GALNT13: variants seen among roughly 807,000 people sequenced by gnomAD.
GALNT13 encodes UDP-GalNAc:polypeptide N-acetylgalactosaminyltransferase 13.
In GALNT13, 28 loss-of-function variants were observed where a neutral mutation model predicts 64.2. The observed-to-expected ratio is 0.44, with a 90% CI of 0.32 to 0.60. The LOEUF is 0.60. Ranked by LOEUF, GALNT13 falls within the 20% of genes least tolerant of loss-of-function variation. GALNT13 has a pLI of 0.05. For missense variants in GALNT13, 577 were observed against 669.8 expected (o/e 0.86, Z 1.53); for synonymous variants, 214 against 224.6 (o/e 0.95, Z 0.42).
the GALNT13 span, among the ~76,000 whole-genome samples, chr2:153,419,020 A>T: frequency 6.6e-6 from 1 of 152,146 alleles, no homozygotes; most frequent in Non-Finnish European, 1.5e-5. Context: ...ACAACTATTA[A>T]TTCATACAAT....
the GALNT13 span, among the ~76,000 whole-genome samples, chr2:153,702,022 C>A: frequency 6.6e-6 from 1 of 152,118 alleles, no homozygotes; most frequent in Non-Finnish European, 1.5e-5. Flanking sequence ...TCTAAAGACA[C>A]ATGTACATGT....
At chr2:154,260,077 G>T (rs1690610942) in intron 8 of GALNT13, among the ~76,000 whole-genome samples, 2 of 151,844 alleles carry the variant, frequency 1.3e-5, no homozygotes, top group East Asian at 3.9e-4. Flanking sequence ...GTAGAGACAG[G>T]GTTTTGCCAT....
intron 9 of GALNT13, among the ~76,000 whole-genome samples, chr2:154,379,822 G>A (rs1154759): frequency 0.58 from 87,394 of 151,722 alleles, 25,590 homozygotes; most frequent in Admixed American, 0.65. Flanking sequence ...CAATTGCAAA[G>A]TTAAGTATGC....
At chr2:153,601,426 A>C in the GALNT13 span, among the ~76,000 whole-genome samples, 73 of 151,948 alleles carry the variant, frequency 4.8e-4, no homozygotes, top group African/African-American at 1.3e-3. Context: ...AATACTTCTA[A>C]TTGGTAAGGA....
intron 4 of GALNT13, among the ~76,000 whole-genome samples, chr2:154,216,802 C>CTTTTTTTTTTTTTTTTTTTTTT (rs397872685): frequency 1.4e-5 from 1 of 71,296 alleles, no homozygotes; most frequent in Non-Finnish European, 2.6e-5. Flanking sequence ...TTCTCTCTCT[C>CTTTTTTTTTTTTTTTTTTTTTT]TTTTTTTTTT....
At chr2:153,341,149 A>T in the GALNT13 span, among the ~76,000 whole-genome samples, 2 of 152,224 alleles carry the variant, frequency 1.3e-5, no homozygotes, top group Non-Finnish European at 2.9e-5. Context: ...AATTTGTGCA[A>T]ATTATTTAAT....
At chr2:153,574,599 A>G in the GALNT13 span, among the ~76,000 whole-genome samples, 1 of 152,030 alleles carries the variant, frequency 6.6e-6, no homozygotes, top group Non-Finnish European at 1.5e-5. Context: ...CAAGCTCAGT[A>G]GTTCTTTCTT....
chr2:154,138,887 A>G (rs1336146011), intron 3 of GALNT13, among the ~76,000 whole-genome samples: 1 of 152,142 alleles, frequency 6.6e-6, no homozygotes, highest in Admixed American at 6.6e-5. Context: ...TTAGAAAAAT[A>G]CACCTTCTCA....
chr2:154,186,089 A>G (rs1338313075), intron 4 of GALNT13, among the ~76,000 whole-genome samples: 5 of 152,076 alleles, frequency 3.3e-5, no homozygotes, highest in Admixed American at 3.3e-4. Flanking sequence ...TAATGCTTTC[A>G]AGCTCAAGGT....
the GALNT13 span, among the ~76,000 whole-genome samples, chr2:153,574,588 T>C: frequency 6.6e-6 from 1 of 152,182 alleles, no homozygotes; most frequent in African/African-American, 2.4e-5. Context: ...TAGCCTGTCT[T>C]CAAGCTCAGT....
chr2:153,311,697 T>C, the GALNT13 span, among the ~76,000 whole-genome samples: 8 of 152,148 alleles, frequency 5.3e-5, no homozygotes, highest in Non-Finnish European at 1.2e-4. Context: ...TGCAGCTGGC[T>C]CCTCCCAAAG....
At position 154,245,796 on chromosome 2, in the gene GALNT13, T is replaced by C. The variant is rs766107982; in HGVS notation, c.687-16T>C. The C allele has an allele frequency of 1.9e-6, 3 of 1,565,552 alleles. No individual in the cohort carries two copies. The highest frequency in any genetic ancestry group is 3.4e-5 in the Admixed American group (2 of 58,102). On this transcript the variant is annotated splice_polypyrimidine_tract_variant and intron_variant, in intron 6 of 12. Transcript: ENST00000392825. Reference sequence around the variant, plus strand: ...AATTATCATGTGTCTATAAATTGGTTTTAATTTCTCTGCAGGAAAACGGTT... The same window carrying C: ...AATTATCATGTGTCTATAAATTGGTCTTAATTTCTCTGCAGGAAAACGGTT...
At chr2:154,354,175 A>G (rs570610284) in intron 9 of GALNT13, among the ~76,000 whole-genome samples, 6 of 152,240 alleles carry the variant, frequency 3.9e-5, no homozygotes, top group African/African-American at 1.4e-4. Context: ...ACATTTTCAT[A>G]TACCTGTTGG....
At chr2:153,710,783 T>A in the GALNT13 span, among the ~76,000 whole-genome samples, 1 of 152,224 alleles carries the variant, frequency 6.6e-6, no homozygotes, top group Admixed American at 6.5e-5. Flanking sequence ...ATTTAACTGA[T>A]CAATGAATAT....
the GALNT13 span, among the ~76,000 whole-genome samples, chr2:153,485,865 A>G: frequency 4.6e-5 from 7 of 152,190 alleles, no homozygotes; most frequent in Non-Finnish European, 1.0e-4. Flanking sequence ...GTGCCACTGC[A>G]CTCTAGCCTC....
the GALNT13 span, among the ~76,000 whole-genome samples, chr2:153,689,852 A>T: frequency 6.6e-6 from 1 of 151,920 alleles, no homozygotes; most frequent in Admixed American, 6.6e-5. Flanking sequence ...TTCATGGAGA[A>T]TCTTGAATCT....
intron 3 of GALNT13, among the ~76,000 whole-genome samples, chr2:154,074,211 AT>A (rs1442701363): frequency 6.6e-6 from 1 of 151,886 alleles, no homozygotes; most frequent in Non-Finnish European, 1.5e-5. Context: ...GCTATACCAC[AT>A]TTTGAAAATC....
the GALNT13 span, among the ~76,000 whole-genome samples, chr2:153,079,066 G>T: frequency 2.6e-5 from 4 of 152,086 alleles, no homozygotes; most frequent in African/African-American, 9.7e-5. Flanking sequence ...ATATGGCAAG[G>T]TCAGTAGATT....
chr2:154,335,096 A>G (rs1695365360), intron 9 of GALNT13, among the ~76,000 whole-genome samples: 1 of 151,846 alleles, frequency 6.6e-6, no homozygotes, highest in South Asian at 2.1e-4. Context: ...GACTTCCTAT[A>G]TGTTCTCTTG....
Sources: gnomAD v4.1 joint callset for allele counts (sites outside exome capture counted in the v4.1 genomes callset) on GRCh38, gnomAD v4.1.1 for gene constraint, MANE v1.5 for transcripts, NCBI Gene and HGNC (gene_info 2026-07-23, HGNC 2026-07-21) for gene names.